JADE3: variants seen among roughly 807,000 people sequenced by gnomAD.
JADE3 encodes jade family PHD finger 3.
JADE3 carries 2 observed loss-of-function variants against 50.1 expected under a neutral mutation model. That is an observed-to-expected ratio of 0.04 (90% CI 0.02 to 0.13). JADE3 has a LOEUF of 0.13. Among genes scored for constraint, JADE3 ranks in the 10% least tolerant of loss-of-function variants. The pLI is 1.00. For missense variants in JADE3, 475 were observed against 634.4 expected (o/e 0.75, Z 2.70); for synonymous variants, 218 against 232.9 (o/e 0.94, Z 0.58).
Position 46,923,393 on chromosome X carries a change from C to CTTTTTTTTTTTTTTTTTTTTTTTTTTT in JADE3, c.-12+10676_-12+10702dup, listed in dbSNP as rs782555482. 5.2e-4 allele frequency among the ~76,000 whole-genome samples: 6 copies of CTTTTTTTTTTTTTTTTTTTTTTTTTTT among 11,525 alleles called. 3 individuals are homozygous for CTTTTTTTTTTTTTTTTTTTTTTTTTTT. The highest frequency in any genetic ancestry group is 8.1e-4 in the Non-Finnish European group (4 of 4,943). 10.0% of individuals were successfully genotyped at this position (11,525 alleles called of 115,157 possible). The stretch of plus-strand genomic sequence containing the variant: ...ATTTCTTTTCTCTCTCTCTCTCTCT[C>CTTTTTTTTTTTTTTTTTTTTTTTTTTT]TTTTTTTTTTTTTTTTTTTTTTTTT... On this transcript the variant is annotated intron_variant, in intron 1 of 10. Coordinates refer to ENST00000614628, the MANE Select transcript of JADE3 (RefSeq NM_014735.5).
Position 46,917,834 on chromosome X carries a change from CCTCTCTCTCTCTCT to C in JADE3, c.-12+5123_-12+5136del, listed in dbSNP as rs572734511. Among the ~76,000 whole-genome samples the C allele has an allele frequency of 1.2e-4, 5 of 42,553 alleles. No individual in the cohort carries two copies. The East Asian group carries it at 3.4e-3, about 29-fold the overall frequency. The allele number at this position is 42,553 out of a possible 115,157, so 37.0% of individuals were successfully genotyped here. A position where few individuals can be genotyped will look rare whatever the true frequency, so the allele number is the denominator to read the frequency against. On this transcript the variant is annotated intron_variant, in intron 1 of 10. Coordinates refer to ENST00000614628, the MANE Select transcript of JADE3 (RefSeq NM_014735.5). ...CTCTCTCTCTCTCACTCTCTCTCATCCTCTCTCTCTCTCTCTCTCTCATCCTCTCTCTCTCTCTC... is the reference window on the plus strand; with the variant it reads ...CTCTCTCTCTCTCACTCTCTCTCATCCTCTCTCATCCTCTCTCTCTCTCTC...
intron 3 of JADE3, among the ~76,000 whole-genome samples, chrX:46,992,734 A>T (rs150554458): frequency 2.0e-3 from 227 of 112,164 alleles, no homozygotes; most frequent in African/African-American, 6.8e-3. Context: ...GACATGCAAT[A>T]TAAATTACCC....
At chrX:46,930,395 C>T (rs914332692) in intron 1 of JADE3, among the ~76,000 whole-genome samples, 1 of 112,198 alleles carries the variant, frequency 8.9e-6, no homozygotes, top group Non-Finnish European at 1.9e-5. Flanking sequence ...AGAACAACCA[C>T]CTAGCTGATT....
chrX:47,014,020 A>G (rs1435874451), intron 4 of JADE3, among the ~76,000 whole-genome samples: 1 of 111,850 alleles, frequency 8.9e-6, no homozygotes, highest in Non-Finnish European at 1.9e-5. Context: ...ATTGTTTTGA[A>G]TGTGCTTTGT....
rs1240152692 is a variant in JADE3 at position 47,060,908 on chromosome X, G to T, written c.*1831G>T. ...GTCCCTTCATGCCTTTCAATTCTGAGTGGGAGGAAAAGCAAACATCAAAAC... is the reference window on the plus strand; with the variant it reads ...GTCCCTTCATGCCTTTCAATTCTGATTGGGAGGAAAAGCAAACATCAAAAC... On this transcript the variant is annotated 3_prime_UTR_variant, in exon 11 of 11. Transcript: ENST00000614628. 1.8e-5 allele frequency: 2 copies of T among 112,190 alleles called. No individual in the cohort carries two copies. The highest frequency in any genetic ancestry group is 6.5e-5 in the African/African-American group (2 of 30,811). The allele number at this position is 112,190 out of a possible 1,213,427, so 9.2% of individuals were successfully genotyped here.
chrX:47,015,799 A>G (rs1332087567), intron 4 of JADE3, among the ~76,000 whole-genome samples: 2 of 94,878 alleles, frequency 2.1e-5, no homozygotes, highest in Admixed American at 2.5e-4. Context: ...AGCTCACTGC[A>G]GCCTCGATCT....
At chrX:46,950,283 C>G (rs953920468) in intron 1 of JADE3, among the ~76,000 whole-genome samples, 3 of 111,954 alleles carry the variant, frequency 2.7e-5, no homozygotes, top group Admixed American at 9.6e-5. Flanking sequence ...ATCCCTTGTA[C>G]TCATTTGCAG....
intron 1 of JADE3, among the ~76,000 whole-genome samples, chrX:46,916,441 G>A (rs1184235451): frequency 8.9e-6 from 1 of 111,853 alleles, no homozygotes; most frequent in Non-Finnish European, 1.9e-5. Context: ...GAACAGTGGT[G>A]GTGAGGCAGG....
chrX:47,047,695 C>T (rs1405327385), intron 8 of JADE3, among the ~76,000 whole-genome samples: 1 of 111,549 alleles, frequency 9.0e-6, no homozygotes, highest in Non-Finnish European at 1.9e-5. Context: ...GATGCAGCTG[C>T]TGTGAAAAAA....
intron 3 of JADE3, among the ~76,000 whole-genome samples, chrX:46,995,287 C>A (rs782085266): frequency 2.7e-5 from 3 of 111,158 alleles, no homozygotes; most frequent in Non-Finnish European, 5.7e-5. Context: ...CCTTGGCCTC[C>A]CAAAGTGCTG....
chrX:47,058,483 G>A lies in JADE3; in HGVS notation c.1878G>A (p.Pro626=), dbSNP rs781805711. 21 of 1,210,979 alleles carry A rather than the reference G, an allele frequency of 1.7e-5. No individual in the cohort carries two copies. The East Asian group carries it at 4.4e-4, about 26-fold the overall frequency. ...AKESSPAWRT[P]SSECYHGQSL... ...AGTCCAGTCCTGCTTGGAGAACCCC[G>A]TCCTCGGAGTGCTATCATGGGCAGT... Residue 626 remains proline, a synonymous_variant, in exon 11 of 11, where the codon CCG becomes CCA. Transcript: ENST00000614628.
At chrX:46,923,393 C>CTCTTTTTTTTTTTTTT (rs1556338199) in intron 1 of JADE3, among the ~76,000 whole-genome samples, 4 of 11,522 alleles carry the variant, frequency 3.5e-4, no homozygotes, top group East Asian at 3.6e-3. Context: ...CTCTCTCTCT[C>CTCTTTTTTTTTTTTTT]TTTTTTTTTT....
intron 3 of JADE3, among the ~76,000 whole-genome samples, chrX:46,991,399 A>G (rs1165491620): frequency 2.7e-5 from 3 of 109,572 alleles, no homozygotes; most frequent in Non-Finnish European, 3.8e-5. Flanking sequence ...ATTTCTTTTT[A>G]TGACTGAATG....
At chrX:47,033,503 C>A in intron 6 of JADE3, 118 bp from the exon 7 acceptor site, 1 of 557,692 alleles carries the variant, frequency 1.8e-6, no homozygotes, top group Non-Finnish European at 2.8e-6. Flanking sequence ...TAAGCTTGTT[C>A]GGCTTTATTT....
intron 3 of JADE3, among the ~76,000 whole-genome samples, chrX:46,988,405 A>T (rs914063265): frequency 2.7e-5 from 3 of 111,692 alleles, no homozygotes; most frequent in Non-Finnish European, 5.6e-5. Context: ...CAGAACTGAC[A>T]TTCAAGTTTT....
At chrX:46,955,779 C>A (rs1180355133) in intron 1 of JADE3, among the ~76,000 whole-genome samples, 1 of 111,010 alleles carries the variant, frequency 9.0e-6, no homozygotes. Flanking sequence ...ATTTGTCAGA[C>A]AGGTGGTTGT....
In JADE3 at chrX:47,046,756, A is replaced by T. The variant is rs781932395; in HGVS notation, c.973-7402A>T. On this transcript the variant is annotated intron_variant, in intron 8 of 10. Transcript: ENST00000614628. ...AAATGCTTTTTCAGCATCAGTTGAAACGATCATACGGTTTTTGTCCCTCAT... is the reference window on the plus strand; with the variant it reads ...AAATGCTTTTTCAGCATCAGTTGAATCGATCATACGGTTTTTGTCCCTCAT... Among the ~76,000 whole-genome samples, 11 of 112,378 alleles carry T rather than the reference A, an allele frequency of 9.8e-5. No individual in the cohort carries two copies. The East Asian group carries it at 3.1e-3, about 31-fold the overall frequency.
intron 6 of JADE3, among the ~76,000 whole-genome samples, chrX:47,028,410 G>A (rs1556366048): frequency 9.1e-6 from 1 of 109,775 alleles, no homozygotes; most frequent in African/African-American, 3.3e-5. Context: ...ATTGCTGCCT[G>A]TCTGAGGTCT....
chrX:46,917,340 A>G (rs1239357013), intron 1 of JADE3, among the ~76,000 whole-genome samples: 6 of 111,438 alleles, frequency 5.4e-5, no homozygotes, highest in Non-Finnish European at 9.4e-5. Context: ...TAATAACAAT[A>G]ACAGCAGCAA....
Sources: gnomAD v4.1 joint callset for allele counts (sites outside exome capture counted in the v4.1 genomes callset) on GRCh38, gnomAD v4.1.1 for gene constraint, MANE v1.5 for transcripts, NCBI Gene and HGNC (gene_info 2026-07-23, HGNC 2026-07-21) for gene names.